Variants in TMEM117 observed in about 807,000 individuals in gnomAD.
The protein encoded by TMEM117 is transmembrane protein 117.
A neutral mutation model predicts 52.4 loss-of-function variants in TMEM117; 27 were observed. The observed-to-expected ratio is 0.51, with a 90% CI of 0.38 to 0.71. TMEM117 has a LOEUF of 0.71. Among genes scored for constraint, TMEM117 ranks in the 30% least tolerant of loss-of-function variants. TMEM117 has a pLI of 0.00. For missense variants in TMEM117, 556 were observed against 630.5 expected (o/e 0.88, Z 1.26); for synonymous variants, 215 against 206.3 (o/e 1.04, Z -0.36).
rs11614369 is a variant in TMEM117, at chr12:44,141,859, G to A, written c.411-1666G>A. ...AACTCAAGACTTGATGGTTGCTCTG[G>A]AGAGCTAAAGGTTCTGCATACTATT... On this transcript the variant is annotated intron_variant, in intron 3 of 7. Coordinates refer to ENST00000266534, the MANE Select transcript of TMEM117 (RefSeq NM_032256.3). 7.0e-3 allele frequency among the ~76,000 whole-genome samples: 1,061 copies of A among 152,260 alleles called. 12 individuals are homozygous for A. Among genetic ancestry groups the A allele is most frequent in the South Asian group, 8.7e-3 (42 of 4,828 alleles).
intron 2 of TMEM117, among the ~76,000 whole-genome samples, chr12:43,887,680 T>A (rs1207024695): frequency 1.3e-5 from 2 of 152,032 alleles, no homozygotes; most frequent in East Asian, 1.9e-4. Context: ...TGGAAAAAAA[T>A]TCAGCAGAAG....
At chr12:43,976,981 C>A (rs1945681198) in intron 3 of TMEM117, among the ~76,000 whole-genome samples, 1 of 152,086 alleles carries the variant, frequency 6.6e-6, no homozygotes, top group Admixed American at 6.6e-5. Flanking sequence ...ACTAAGGAAC[C>A]CCCCACTAGG....
chr12:44,016,696 G>A (rs1946378710), intron 3 of TMEM117, among the ~76,000 whole-genome samples: 1 of 151,914 alleles, frequency 6.6e-6, no homozygotes, highest in Non-Finnish European at 1.5e-5. Flanking sequence ...CATCTTTTAC[G>A]AGCTAATGGG....
chr12:44,174,074 A>G (rs553787336), intron 4 of TMEM117, among the ~76,000 whole-genome samples: 4 of 152,302 alleles, frequency 2.6e-5, no homozygotes, highest in African/African-American at 9.6e-5. Context: ...TATTTTAACC[A>G]TATTAATTTA....
chr12:44,261,589 C>G (rs1950321485), intron 5 of TMEM117, among the ~76,000 whole-genome samples: 1 of 151,764 alleles, frequency 6.6e-6, no homozygotes, highest in Non-Finnish European at 1.5e-5. Context: ...GGGGAGAAGT[C>G]ATATTAAAAA....
intron 6 of TMEM117, among the ~76,000 whole-genome samples, chr12:44,322,175 A>G (rs539887289): frequency 1.3e-5 from 2 of 152,310 alleles, no homozygotes; most frequent in Admixed American, 6.5e-5. Flanking sequence ...AGCTCTGTCC[A>G]TGGATATCTA....
intron 2 of TMEM117, among the ~76,000 whole-genome samples, chr12:43,906,462 C>CAAAA (rs3064352): frequency 2.1e-5 from 3 of 141,368 alleles, no homozygotes; most frequent in South Asian, 2.2e-4. Context: ...GACGCTGTCT[C>CAAAA]AAAAAAAAAA....
rs183843363 is a variant in TMEM117 at position 43,839,047 on chromosome 12, T to G, written c.-29+2851T>G. On this transcript the variant is annotated intron_variant, in intron 1 of 7. Coordinates refer to ENST00000266534, the MANE Select transcript of TMEM117 (RefSeq NM_032256.3). Reference sequence around the variant, plus strand: ...GGAAATGGCAGTTCCATTCTGGATTTTGCCTAGGTCACATCTACATCCAAT... The same window carrying G: ...GGAAATGGCAGTTCCATTCTGGATTGTGCCTAGGTCACATCTACATCCAAT... Among the ~76,000 whole-genome samples, 870 of 152,338 alleles carry G rather than the reference T, an allele frequency of 5.7e-3. 5 individuals are homozygous for G. The highest frequency in any genetic ancestry group is 9.7e-3 in the Non-Finnish European group (662 of 68,032).
rs202168215 is a variant in TMEM117, at chr12:43,866,560, G to A, written c.277+21632G>A. Among the ~76,000 whole-genome samples the A allele has an allele frequency of 7.2e-5, 11 of 151,910 alleles. No homozygotes were observed. In the East Asian group the frequency reaches 2.0e-3, roughly 27 times the overall value. ...ACTGCACTCCAGCCTGGGTGACAGA[G>A]CAAGATCCTGTCTCTTAAAAAACAA... On this transcript the variant is annotated intron_variant, in intron 2 of 7. Coordinates refer to ENST00000266534, the MANE Select transcript of TMEM117 (RefSeq NM_032256.3).
At chr12:43,860,500 GA>G (rs1344208880) in intron 2 of TMEM117, among the ~76,000 whole-genome samples, 1 of 152,160 alleles carries the variant, frequency 6.6e-6, no homozygotes, top group African/African-American at 2.4e-5. Flanking sequence ...AGAGTCTAGG[GA>G]GGGGTCCAGA....
chr12:43,804,457 A>G, the TMEM117 span: 1 of 1,322,700 alleles, frequency 7.6e-7, no homozygotes, highest in Non-Finnish European at 1.1e-6. Context: ...ACAGCCACTA[A>G]TCCAGGAACA....
chr12:44,283,013 A>G (rs78811497), intron 5 of TMEM117, among the ~76,000 whole-genome samples: 7,377 of 152,360 alleles, frequency 0.048, 226 homozygotes, highest in Middle Eastern at 0.14. Flanking sequence ...GGAAGCCCCA[A>G]ACTTTGGCAG....
At chr12:44,161,637 G>C (rs547986788) in intron 4 of TMEM117, among the ~76,000 whole-genome samples, 2 of 152,248 alleles carry the variant, frequency 1.3e-5, no homozygotes, top group South Asian at 4.2e-4. Context: ...TAAGCATATA[G>C]AGTACATGAA....
At chr12:43,838,306 A>C (rs1943064551) in intron 1 of TMEM117, among the ~76,000 whole-genome samples, 1 of 152,024 alleles carries the variant, frequency 6.6e-6, no homozygotes, top group Non-Finnish European at 1.5e-5. Flanking sequence ...GAAAGTAAGT[A>C]TAAGACTTTT....
At chr12:43,924,587 T>G (rs1010446188) in intron 2 of TMEM117, among the ~76,000 whole-genome samples, 3 of 152,200 alleles carry the variant, frequency 2.0e-5, no homozygotes, top group African/African-American at 7.2e-5. Context: ...GTCAAACATT[T>G]TAATAATGTA....
intron 3 of TMEM117, among the ~76,000 whole-genome samples, chr12:44,117,881 T>A (rs1395334444): frequency 1.3e-5 from 2 of 152,184 alleles, no homozygotes; most frequent in East Asian, 3.9e-4. Context: ...TGTATCTTTG[T>A]GTTACCAATT....
intron 6 of TMEM117, among the ~76,000 whole-genome samples, chr12:44,354,118 G>T (rs1951608017): frequency 6.6e-6 from 1 of 152,226 alleles, no homozygotes; most frequent in Non-Finnish European, 1.5e-5. Context: ...GTATAAGAAT[G>T]CTTGTGATTT....
chr12:43,828,558 G>A, the TMEM117 span, among the ~76,000 whole-genome samples: 47 of 152,312 alleles, frequency 3.1e-4, no homozygotes, highest in African/African-American at 1.0e-3. Context: ...TCATTTCATG[G>A]CAACTGGTAC....
chr12:44,313,469 G>A (rs1162326919), intron 6 of TMEM117, among the ~76,000 whole-genome samples: 4 of 152,032 alleles, frequency 2.6e-5, no homozygotes, highest in Non-Finnish European at 5.9e-5. Context: ...TATTCTGTCT[G>A]TCTGTTTTTG....
Sources: gnomAD v4.1 joint callset for allele counts (sites outside exome capture counted in the v4.1 genomes callset) on GRCh38, gnomAD v4.1.1 for gene constraint, MANE v1.5 for transcripts, NCBI Gene and HGNC (gene_info 2026-07-23, HGNC 2026-07-21) for gene names.